Variants in GALNS observed in about 807,000 individuals in gnomAD.
GALNS encodes the protein N-acetylgalactosamine-6-sulfatase.
Under a neutral mutation model 65.9 loss-of-function variants are expected in GALNS, and 65 were observed. The observed-to-expected ratio is 0.99, with a 90% CI of 0.81 to 1.21. The LOEUF (loss-of-function observed/expected upper bound fraction) is 1.21. Among genes scored for constraint, GALNS ranks in the 50% most tolerant of loss-of-function variants. GALNS has a pLI of 0.00. For missense variants in GALNS, 776 were observed against 700.7 expected, an observed-to-expected ratio of 1.11 and a Z score of -1.21; for synonymous variants, 346 against 288.9, an observed-to-expected ratio of 1.20 and a Z score of -2.00.
At chr16:88,817,940 T>A (rs1424206863) in intron 13 of GALNS, 67 bp downstream of exon 13, 2 of 1,324,630 alleles carry the variant, frequency 1.5e-6, no homozygotes, top group Non-Finnish European at 2.1e-6. Flanking sequence ...CCACGGTTCA[T>A]CCTGGGCCCC....
chr16:88,832,151 C>G lies in GALNS; in HGVS notation c.899-50G>C, dbSNP rs7191220. On this transcript the variant is annotated intron_variant, in intron 8 of 13. Coordinates refer to ENST00000268695, the MANE Select transcript of GALNS (RefSeq NM_000512.5). ...GCCACTGGGACCAGATGTCCCCAGG[C>G]CCTCCCCCTCCCTCCCCACTGAGTC... The G allele has an allele frequency of 1.0e-3, 1,491 of 1,421,024 alleles. 12 individuals are homozygous for G. The African/African-American group carries it at 0.017, about 17-fold the overall frequency. 88.0% of individuals were successfully genotyped at this position (1,421,024 alleles called of 1,614,324 possible). A position where few individuals can be genotyped will look rare whatever the true frequency, so the allele number is the denominator to read the frequency against.
chr16:88,835,829 C>T lies in GALNS; in HGVS notation c.654G>A (p.Lys218=), dbSNP rs778489528. 3.1e-6 allele frequency: 5 copies of T among 1,614,150 alleles called. No individual in the cohort carries two copies. Among genetic ancestry groups the T allele is most frequent in the Admixed American group, 3.3e-5 (2 of 60,034 alleles). ...AAAAGGGGTGGTGCCGTGCCTGTCT[C>T]TTAATGAAGTCCAGGGCTTCCTATG... ...IYLQEALDFI[K]RQARHHPFFL... The change falls in exon 7 of 14, where the codon AAG becomes AAA. Residue 218 remains lysine, a synonymous_variant. Transcript: ENST00000268695.
chr16:88,818,306 C>T (rs570723949), intron 12 of GALNS, among the ~76,000 whole-genome samples, 182 bp from the exon 13 acceptor site: 11 of 152,180 alleles, frequency 7.2e-5, no homozygotes, highest in Non-Finnish European at 1.5e-4. Flanking sequence ...AGCAGGCACC[C>T]GAGCCATCCT....
intron 1 of GALNS, among the ~76,000 whole-genome samples, chr16:88,854,443 A>T (rs1449293279): frequency 1.3e-5 from 2 of 152,204 alleles, no homozygotes; most frequent in African/African-American, 2.4e-5. Flanking sequence ...CTGTCCTGGC[A>T]GCTGCACCAT....
intron 13 of GALNS, chr16:88,816,221 TCCCCTG>T: frequency 1.0e-6 from 1 of 985,382 alleles, no homozygotes; most frequent in African/African-American, 1.7e-5. Flanking sequence ...TGCGCCCACC[TCCCCTG>T]CCCTGTGCCC....
intron 8 of GALNS, among the ~76,000 whole-genome samples, chr16:88,833,550 C>T (rs1362301328): frequency 6.6e-6 from 1 of 151,160 alleles, no homozygotes; most frequent in Non-Finnish European, 1.5e-5. Flanking sequence ...CTCCCGGGTT[C>T]AAGTCATTCT....
chr16:88,835,428 G>A, intron 7 of GALNS, 76 bp from the exon 8 acceptor site: 2 of 1,567,000 alleles, frequency 1.3e-6, no homozygotes. Context: ...ACGGCATACT[G>A]TGATTCACGG....
intron 1 of GALNS, among the ~76,000 whole-genome samples, chr16:88,848,132 A>AC (rs758950295): frequency 6.6e-6 from 1 of 152,204 alleles, no homozygotes; most frequent in Non-Finnish European, 1.5e-5. Context: ...CACGTCAGAA[A>AC]AGGCAGATCC....
chr16:88,817,254 C>G (rs962100060), intron 13 of GALNS: 1 of 984,924 alleles, frequency 1.0e-6, no homozygotes, highest in Admixed American at 6.1e-5. Context: ...GACAAGACGA[C>G]GACGCATCCT....
At chr16:88,849,873 G>A (rs1268873213) in intron 1 of GALNS, among the ~76,000 whole-genome samples, 2 of 152,270 alleles carry the variant, frequency 1.3e-5, no homozygotes, top group African/African-American at 4.8e-5. Context: ...CCGCAGAGCT[G>A]CTCATGGGCT....
Position 88,835,371 on chromosome 16 carries a change from A to G in GALNS, c.759-19T>C. The G allele has an allele frequency of 6.2e-7, 1 of 1,613,216 alleles. No individual in the cohort carries two copies. Among genetic ancestry groups the G allele is most frequent in the South Asian group, 1.1e-5 (1 of 90,770 alleles). On this transcript the variant is annotated intron_variant, in intron 7 of 13. Transcript: ENST00000268695. Reference sequence around the variant, plus strand: ...TCCATACCTGCAGGATGGTGACAAAAGGCATCTCCATACCTGGAGGATGGT... The same window carrying G: ...TCCATACCTGCAGGATGGTGACAAAGGGCATCTCCATACCTGGAGGATGGT...
Position 88,838,089 on chromosome 16 carries a change from G to A in GALNS, c.423-324C>T, listed in dbSNP as rs572723431. On this transcript the variant is annotated intron_variant, in intron 4 of 13. Transcript: ENST00000268695. ...CTGGAACCCGCCTGACATGCCCCTC[G>A]TGGCCCCGGCTCCTTCCTTCCACGT... 4.1e-4 allele frequency among the ~76,000 whole-genome samples: 62 copies of A among 152,292 alleles called. 1 individual carries two copies. Among genetic ancestry groups the A allele is most frequent in the Admixed American group, 1.0e-3 (16 of 15,314 alleles).
At chr16:88,831,024 T>A (rs1911447390) in intron 9 of GALNS, among the ~76,000 whole-genome samples, 1 of 152,154 alleles carries the variant, frequency 6.6e-6, no homozygotes, top group Admixed American at 6.5e-5. Context: ...TTTAGCTCCA[T>A]TTAACTCAGG....
intron 1 of GALNS, among the ~76,000 whole-genome samples, chr16:88,854,669 T>C (rs1454201715): frequency 6.6e-6 from 1 of 151,842 alleles, no homozygotes; most frequent in Non-Finnish European, 1.5e-5. Flanking sequence ...ACTGCAGGGG[T>C]GACTTGGAGT....
Position 88,837,607 on chromosome 16 carries a change from GT to G in GALNS, c.566+14del. The G allele has an allele frequency of 6.2e-7, 1 of 1,611,886 alleles. No individual in the cohort carries two copies. The highest frequency in any genetic ancestry group is 8.5e-7 in the Non-Finnish European group (1 of 1,179,748). ...AGTTCAGGACGTGGGAGGGGAAGGG[GT>G]GGGGCTCCATTACCTGCCAACCATC... On this transcript the variant is annotated intron_variant, in intron 5 of 13. Coordinates refer to ENST00000268695, the MANE Select transcript of GALNS (RefSeq NM_000512.5).
chr16:88,850,160 A>G (rs1258948942), intron 1 of GALNS, among the ~76,000 whole-genome samples: 4 of 152,146 alleles, frequency 2.6e-5, no homozygotes, highest in Non-Finnish European at 5.9e-5. Context: ...CCGGGGGCAC[A>G]AGGCCTGGGA....
At chr16:88,825,282 C>T (rs1431145436) in intron 10 of GALNS, among the ~76,000 whole-genome samples, 4 of 122,942 alleles carry the variant, frequency 3.3e-5, no homozygotes, top group Non-Finnish European at 6.3e-5. Flanking sequence ...GTTTGGGCAG[C>T]CGGGGCTGGG....
At chr16:88,842,298 C>A in intron 2 of GALNS, 1 of 525,758 alleles carries the variant, frequency 1.9e-6, no homozygotes, top group East Asian at 3.4e-5. Context: ...CCGTGCCCTG[C>A]CTTCTCCTCT....
At chr16:88,826,668 C>T (rs369694152) in intron 10 of GALNS, 34 bp downstream of exon 10, 24 of 1,602,276 alleles carry the variant, frequency 1.5e-5, no homozygotes, top group South Asian at 6.6e-5. Context: ...CTACTTGGAT[C>T]GGGGGAAGGG....
Sources: allele counts gnomAD v4.1 joint callset (sites outside exome capture counted in the v4.1 genomes callset), GRCh38; gene constraint gnomAD v4.1.1; transcripts MANE v1.5; gene names NCBI Gene and HGNC (gene_info 2026-07-23, HGNC 2026-07-21).